Variants in PITPNM1 observed in about 807,000 individuals in gnomAD.
The protein encoded by PITPNM1 is membrane-associated phosphatidylinositol transfer protein 1.
In PITPNM1, 74 loss-of-function variants were observed where a neutral mutation model predicts 133.3. The ratio of observed to expected loss-of-function variants is 0.56; its 90% CI spans 0.46 to 0.67. PITPNM1 has a LOEUF of 0.67. Ranked by LOEUF, PITPNM1 falls within the 30% of genes least tolerant of loss-of-function variation. The probability of loss-of-function intolerance (pLI) is 0.00; values close to 1 mark genes in which losing one functional copy is unlikely to be tolerated. For missense variants in PITPNM1, 1,398 were observed against 1,739.5 expected, an observed-to-expected ratio of 0.80 and a Z score of 3.49; for synonymous variants, 738 against 741.4, an observed-to-expected ratio of 1.00 and a Z score of 0.08.
At chr11:67,493,164 C>G in intron 22 of PITPNM1, 102 bp from the exon 23 acceptor site, 1 of 1,409,520 alleles carries the variant, frequency 7.1e-7, no homozygotes, top group Non-Finnish European at 9.9e-7. Context: ...TGGGTCCAGG[C>G]AGACGGAGGC....
At position 67,494,920 on chromosome 11, in the gene PITPNM1, C is replaced by T. The variant is rs1866064771; in HGVS notation, c.2668G>A (p.Glu890Lys). ...EKERPQLAEC[E>K]EPSIYSPAFP... ...GCCGGGCTGTAGATGGACGGCTCCT[C>T]GCATTCCGCCAGCTGTGGCCGCTCC... The change falls in exon 18 of 24, where the codon GAG (glutamate) becomes AAG (lysine). Residue 890 changes from glutamate to lysine, a missense_variant. Transcript: ENST00000356404. The T allele has an allele frequency of 1.9e-6, 3 of 1,612,914 alleles. No homozygotes were observed. Among genetic ancestry groups the T allele is most frequent in the African/African-American group, 1.3e-5 (1 of 74,984 alleles).
In PITPNM1 at chr11:67,498,384, C is replaced by G. The variant is rs1175881613; in HGVS notation, c.1485-62G>C. 5 of 1,451,956 alleles carry G rather than the reference C, an allele frequency of 3.4e-6. No homozygotes were observed. The highest frequency in any genetic ancestry group is 4.6e-6 in the Non-Finnish European group (5 of 1,097,058). The allele number at this position is 1,451,956 out of a possible 1,614,324, so 89.9% of individuals were successfully genotyped here. ...CCAGACCCACTCCTGCCATCCAAGT[C>G]CCCTGGGCCTGCTGGCAGGCCCTGG... On this transcript the variant is annotated intron_variant, in intron 10 of 23. Coordinates refer to ENST00000356404, the MANE Select transcript of PITPNM1 (RefSeq NM_004910.3). This position sits in a 1 kb window ranked among gnomAD's most constrained non-coding sequence, Gnocchi z 5.7.
At chr11:67,493,095 G>A (rs367880765) in intron 22 of PITPNM1, 33 bp from the exon 23 acceptor site, 16 of 1,611,546 alleles carry the variant, frequency 9.9e-6, no homozygotes, top group Middle Eastern at 1.6e-4. Flanking sequence ...GCCGCCCCAG[G>A]GGTGGAGCCG....
chr11:67,505,311 C>T lies in PITPNM1; in HGVS notation c.-165G>A, dbSNP rs1866465614. 1 of 151,814 alleles carries T rather than the reference C, an allele frequency of 6.6e-6. No homozygotes were observed. Among genetic ancestry groups the T allele is most frequent in the African/African-American group, 2.4e-5 (1 of 41,360 alleles). 9.4% of individuals were successfully genotyped at this position (151,814 alleles called of 1,614,324 possible). A position where few individuals can be genotyped will look rare whatever the true frequency, so the allele number is the denominator to read the frequency against. On this transcript the variant is annotated 5_prime_UTR_variant, in exon 1 of 24. Transcript: ENST00000356404. This position sits in a 1 kb window ranked among gnomAD's most constrained non-coding sequence, Gnocchi z 5.8. ...GCGGTGGCCGGACCCTCCCGAGGCG[C>T]AGTGCCGGCCCATGGCCCCGACCTT...
At chr11:67,503,608 C>A (rs2134333920) in intron 2 of PITPNM1, among the ~76,000 whole-genome samples, 1 of 152,276 alleles carries the variant, frequency 6.6e-6, no homozygotes, top group East Asian at 1.9e-4. Context: ...TCCCCCAGGC[C>A]CCGCACCAAC....
chr11:67,493,349 G>C, intron 22 of PITPNM1, 61 bp downstream of exon 22: 3 of 1,457,774 alleles, frequency 2.1e-6, no homozygotes, highest in South Asian at 1.3e-5. Context: ...CGATCCGGGG[G>C]TGGAGGGTAA....
chr11:67,492,813 G>A, intron 23 of PITPNM1, 121 bp downstream of exon 23: 1 of 1,285,944 alleles, frequency 7.8e-7, no homozygotes, highest in Non-Finnish European at 1.1e-6. Context: ...AGGATCCCAG[G>A]TTCCCTGGAG....
In PITPNM1 at chr11:67,498,531, C is replaced by T. The variant is rs963932519; in HGVS notation, c.1484+65G>A. On this transcript the variant is annotated intron_variant, in intron 10 of 23. Coordinates refer to ENST00000356404, the MANE Select transcript of PITPNM1 (RefSeq NM_004910.3). The surrounding 1 kb of genome is among the most constrained non-coding windows in gnomAD (Gnocchi z 5.7). ...GTGTCTGGCTTCCTGACCCCTTCCC[C>T]GCTCCCTGCCCCGCTCCCTGGCCTG... 71 of 1,558,078 alleles carry T rather than the reference C, an allele frequency of 4.6e-5. No individual in the cohort carries two copies. Among genetic ancestry groups the T allele is most frequent in the African/African-American group, 2.3e-4 (17 of 74,206 alleles).
Position 67,493,809 on chromosome 11 carries a change from G to C in PITPNM1, c.3037C>G (p.Leu1013Val). 6.5e-7 allele frequency: 1 copy of C among 1,549,478 alleles called. No individual in the cohort carries two copies. Among genetic ancestry groups the C allele is most frequent in the Non-Finnish European group, 8.7e-7 (1 of 1,147,412 alleles). Residue 1013 changes from leucine to valine, a missense_variant, in exon 21 of 24, where the codon CTG (leucine) becomes GTG (valine). Physicochemically the swap from Leu to Val is conservative, Grantham distance 32 (BLOSUM62 1). Coordinates refer to ENST00000356404, the MANE Select transcript of PITPNM1 (RefSeq NM_004910.3). ...RGDHTYAECC[L>V]TVVARGTEAV... The stretch of plus-strand genomic sequence containing the variant: ...TCCGTGCCGCGGGCCACCACAGTCA[G>C]GCAGCATTCGGCATAGGTGTGGTCG...
In PITPNM1 at chr11:67,502,164, A is replaced by T. The variant is rs1691565011; in HGVS notation, c.416-78T>A. Reference sequence around the variant, plus strand: ...CCTGGCACCCTCTTGGGACTGGATGACAGTTCCCGTCCTTTTGCAGACAGG... The same window carrying T: ...CCTGGCACCCTCTTGGGACTGGATGTCAGTTCCCGTCCTTTTGCAGACAGG... On this transcript the variant is annotated intron_variant, in intron 4 of 23. Coordinates refer to ENST00000356404, the MANE Select transcript of PITPNM1 (RefSeq NM_004910.3). The surrounding 1 kb of genome is among the most constrained non-coding windows in gnomAD (Gnocchi z 5.9). The T allele has an allele frequency of 6.4e-7, 1 of 1,550,750 alleles. No homozygotes were observed. Among genetic ancestry groups the T allele is most frequent in the East Asian group, 2.3e-5 (1 of 44,356 alleles).
At position 67,498,545 on chromosome 11, in the gene PITPNM1, CTCCCTGGCCTGATCCTACGAGT is replaced by C; in HGVS notation, c.1484+29_1484+50del. 1 of 1,575,108 alleles carries C rather than the reference CTCCCTGGCCTGATCCTACGAGT, an allele frequency of 6.3e-7. No homozygotes were observed. Among genetic ancestry groups the C allele is most frequent in the Non-Finnish European group, 8.6e-7 (1 of 1,165,642 alleles). The stretch of plus-strand genomic sequence containing the variant: ...GACCCCTTCCCCGCTCCCTGCCCCG[CTCCCTGGCCTGATCCTACGAGT>C]TCCCTGCCCTTCCACCCGTGGCTAG... On this transcript the variant is annotated intron_variant, in intron 10 of 23. Transcript: ENST00000356404. The surrounding 1 kb of genome is among the most constrained non-coding windows in gnomAD (Gnocchi z 5.7).
rs1334368425 is a variant in PITPNM1 at position 67,502,269 on chromosome 11, C to G, written c.415+23G>C. On this transcript the variant is annotated intron_variant, in intron 4 of 23. Transcript: ENST00000356404. The surrounding 1 kb of genome is among the most constrained non-coding windows in gnomAD (Gnocchi z 5.9). The stretch of plus-strand genomic sequence containing the variant: ...AGGAGCCTGAGAGGGGCGCCAGGGT[C>G]CCCCCATAGCTCCAGGCCTCACCCA... The G allele has an allele frequency of 6.2e-7, 1 of 1,606,654 alleles. No homozygotes were observed. Among genetic ancestry groups the G allele is most frequent in the Non-Finnish European group, 8.5e-7 (1 of 1,176,800 alleles).
At chr11:67,505,602 C>T (rs1447441512), upstream of PITPNM1, among the ~76,000 whole-genome samples, 1 of 152,224 alleles carries the variant, frequency 6.6e-6, no homozygotes, top group African/African-American at 2.4e-5. The surrounding 1 kb of genome is among the most constrained non-coding windows in gnomAD (Gnocchi z 5.8). Flanking sequence ...TTCCTATCTC[C>T]ACCCTAGCCC....
intron 16 of PITPNM1, 53 bp from the exon 17 acceptor site, chr11:67,495,278 C>T (rs778506669): frequency 1.1e-5 from 17 of 1,526,982 alleles, no homozygotes; most frequent in Non-Finnish European, 1.5e-5. Flanking sequence ...CACCCATCTG[C>T]CTGGGCGCTG....
At position 67,494,117 on chromosome 11, in the gene PITPNM1, G is replaced by A. The variant is rs371364190; in HGVS notation, c.2860-47C>T. On this transcript the variant is annotated intron_variant, in intron 19 of 23. Transcript: ENST00000356404. ...AGGTAAATGGGGGCCCTGCGTGGAG[G>A]TGGGCAGAGGCGGGGCTGTCGTCGG... The A allele has an allele frequency of 1.3e-5, 20 of 1,594,690 alleles. No individual in the cohort carries two copies. In the African/African-American group the frequency reaches 2.3e-4, roughly 18 times the overall value.
intron 23 of PITPNM1, among the ~76,000 whole-genome samples, chr11:67,492,690 C>G (rs1480713902): frequency 1.3e-5 from 2 of 152,252 alleles, no homozygotes; most frequent in African/African-American, 2.4e-5. Context: ...CAGTGGAAAG[C>G]CATGGCCGAG....
At position 67,497,213 on chromosome 11, in the gene PITPNM1, G is replaced by A. The variant is rs1029415976; in HGVS notation, c.2146+18C>T. 4 of 1,571,282 alleles carry A rather than the reference G, an allele frequency of 2.5e-6. No homozygotes were observed. The highest frequency in any genetic ancestry group is 1.8e-5 in the Admixed American group (1 of 55,264). On this transcript the variant is annotated intron_variant, in intron 14 of 23. Coordinates refer to ENST00000356404, the MANE Select transcript of PITPNM1 (RefSeq NM_004910.3). ...GCAGACAGAGACTAGAGGCGCCCCC[G>A]CAGCCCCTAGGACTCACCCTCCAGG...
rs1565192548 is a variant in PITPNM1, at chr11:67,498,434, G to A, written c.1485-112C>T. On this transcript the variant is annotated intron_variant, in intron 10 of 23. Coordinates refer to ENST00000356404, the MANE Select transcript of PITPNM1 (RefSeq NM_004910.3). This position sits in a 1 kb window ranked among gnomAD's most constrained non-coding sequence, Gnocchi z 5.7. ...GCTCTGTGGGTCCTCTGTGGGGAGC[G>A]TTAGCCCCAAGAGGCAACTGAAATG... 16 of 1,388,260 alleles carry A rather than the reference G, an allele frequency of 1.2e-5. No homozygotes were observed. Among genetic ancestry groups the A allele is most frequent in the South Asian group, 6.9e-5 (5 of 72,224 alleles). The allele number at this position is 1,388,260 out of a possible 1,614,324, so 86.0% of individuals were successfully genotyped here. A position where few individuals can be genotyped will look rare whatever the true frequency, so the allele number is the denominator to read the frequency against.
rs1866448155 is a variant in PITPNM1 at position 67,504,859 on chromosome 11, T to TC, written c.-42+328dup. On this transcript the variant is annotated intron_variant, in intron 1 of 23. Transcript: ENST00000356404. The surrounding 1 kb of genome is among the most constrained non-coding windows in gnomAD (Gnocchi z 5.4). ...TTCTTGGGCAGCCGGGTCCTCGACCTCCCCCTCCCAGCATCCTTCCTGGAC... is the reference window on the plus strand; with the variant it reads ...TTCTTGGGCAGCCGGGTCCTCGACCTCCCCCCTCCCAGCATCCTTCCTGGAC... 6.6e-6 allele frequency: 1 copy of TC among 152,514 alleles called. No homozygotes were observed. The highest frequency in any genetic ancestry group is 1.5e-5 in the Non-Finnish European group (1 of 68,456). 9.4% of individuals were successfully genotyped at this position (152,514 alleles called of 1,614,324 possible). A position where few individuals can be genotyped will look rare whatever the true frequency, so the allele number is the denominator to read the frequency against.
Sources: gnomAD v4.1 joint callset for allele counts (sites outside exome capture counted in the v4.1 genomes callset) on GRCh38, gnomAD v4.1.1 for gene constraint, Gnocchi (gnomAD v3.1) non-coding constraint, MANE v1.5 for transcripts, NCBI Gene and HGNC (gene_info 2026-07-23, HGNC 2026-07-21) for gene names.